TMEM232: variants seen among roughly 807,000 people sequenced by gnomAD.
The protein encoded by TMEM232 is transmembrane protein 232.
TMEM232 carries 80 observed loss-of-function variants against 78.8 expected under a neutral mutation model. The observed-to-expected ratio is 1.01, with a 90% CI of 0.85 to 1.22. The LOEUF is 1.22. Ranked by LOEUF, TMEM232 falls within the 50% of genes most tolerant of loss-of-function variation. TMEM232 has a pLI of 0.00. For missense variants in TMEM232, 881 were observed against 742.2 expected, an observed-to-expected ratio of 1.19 and a Z score of -2.17; for synonymous variants, 297 against 254.3, an observed-to-expected ratio of 1.17 and a Z score of -1.60.
chr5:110,434,074 T>C lies in TMEM232; in HGVS notation c.1704-9158A>G, dbSNP rs567223361. Among the ~76,000 whole-genome samples the C allele has an allele frequency of 3.5e-5, 5 of 143,774 alleles. No individual in the cohort carries two copies. The South Asian group carries it at 1.1e-3, about 31-fold the overall frequency. The allele number at this position is 143,774 out of a possible 152,430, so 94.3% of individuals were successfully genotyped here. On this transcript the variant is annotated intron_variant, in intron 12 of 13. Coordinates refer to ENST00000455884, the MANE Select transcript of TMEM232 (RefSeq NM_001039763.4). The stretch of plus-strand genomic sequence containing the variant: ...AAACTAAAGTCAGAGCAGAAGAAAA[T>C]AAAATAAATGAAAGCACAAGAAAAG...
In TMEM232 at chr5:110,665,947, T is replaced by C. The variant is rs1188242490; in HGVS notation, c.125+1281A>G. Among the ~76,000 whole-genome samples, 9 of 150,132 alleles carry C rather than the reference T, an allele frequency of 6.0e-5. No individual in the cohort carries two copies. The East Asian group carries it at 1.8e-3, about 30-fold the overall frequency. On this transcript the variant is annotated intron_variant, in intron 2 of 13. Transcript: ENST00000455884. ...AGCCAGGCATACTGGCATGTGCCCG[T>C]GGTGCCAGCTGCTCAGGAGGCTGAG...
chr5:110,736,433 C>CTATCA (rs1799172865), intron 1 of TMEM232, among the ~76,000 whole-genome samples: 1 of 152,052 alleles, frequency 6.6e-6, no homozygotes, highest in Non-Finnish European at 1.5e-5. Context: ...TATGCAAGCC[C>CTATCA]GTGCTCAGAC....
At chr5:110,647,302 T>C (rs992150426) in intron 2 of TMEM232, among the ~76,000 whole-genome samples, 32 of 151,916 alleles carry the variant, frequency 2.1e-4, no homozygotes, top group Non-Finnish European at 4.1e-4. Flanking sequence ...ACTTACAGTG[T>C]TCATCAAAGA....
intron 12 of TMEM232, chr5:110,429,789 T>G (rs1027606727): frequency 2.0e-5 from 3 of 151,756 alleles, no homozygotes; most frequent in African/African-American, 7.3e-5. Flanking sequence ...TCTCAGTATA[T>G]TTAGTCTCCT....
intron 12 of TMEM232, among the ~76,000 whole-genome samples, chr5:110,500,013 C>G (rs1766070753): frequency 6.6e-6 from 1 of 151,934 alleles, no homozygotes; most frequent in Admixed American, 6.6e-5. Context: ...AATTATTGGC[C>G]AGGCGCGGTG....
intron 2 of TMEM232, among the ~76,000 whole-genome samples, chr5:110,645,563 T>C (rs1474941856): frequency 6.6e-6 from 1 of 150,964 alleles, no homozygotes; most frequent in African/African-American, 2.4e-5. Flanking sequence ...AGAATTTACG[T>C]CAATTTACTT....
intron 2 of TMEM232, among the ~76,000 whole-genome samples, chr5:110,408,533 A>C (rs1385072811): frequency 2.0e-5 from 3 of 152,088 alleles, no homozygotes; most frequent in Non-Finnish European, 4.4e-5. Context: ...AAGAGGTTGC[A>C]GTGAGCCGAG....
At position 110,424,833 on chromosome 5, in the gene TMEM232, A is replaced by G. The variant is rs191599718; in HGVS notation, c.1787T>C (p.Ile596Thr). 2,372 of 1,548,804 alleles carry G rather than the reference A, an allele frequency of 1.5e-3. 5 individuals are homozygous for G. Among genetic ancestry groups the G allele is most frequent in the Non-Finnish European group, 1.9e-3 (2,233 of 1,145,480 alleles). Residue 596 changes from isoleucine (I) to threonine (T), a missense_variant, in exon 13 of 14, where the codon ATT becomes ACT. Coordinates refer to ENST00000455884, the MANE Select transcript of TMEM232 (RefSeq NM_001039763.4). The part of the protein sequence containing the change: ...TKADKELAKI[I>T]DHHWQEELKI... ...AAAAATCAATCTTACGTGATGGTCA[A>G]TGATTTTTGCCAACTCTTTATCTGC... is the stretch of plus-strand genomic sequence containing the variant.
intron 4 of TMEM232, among the ~76,000 whole-genome samples, chr5:110,388,486 A>G (rs10075269): frequency 0.028 from 4,222 of 152,256 alleles, 210 homozygotes; most frequent in African/African-American, 0.098. Flanking sequence ...AAAGAAAATG[A>G]TTTGGGGGTT....
chr5:110,707,424 G>A (rs1019511310), intron 1 of TMEM232, among the ~76,000 whole-genome samples: 1 of 152,192 alleles, frequency 6.6e-6, no homozygotes, highest in Non-Finnish European at 1.5e-5. Flanking sequence ...AAGCTCTGCT[G>A]GGCACAGCCA....
chr5:110,453,267 G>A (rs1201640636), intron 12 of TMEM232, among the ~76,000 whole-genome samples: 9 of 152,016 alleles, frequency 5.9e-5, no homozygotes, highest in Non-Finnish European at 8.8e-5. Flanking sequence ...CAAGATATCT[G>A]ACTTTAAATT....
chr5:110,556,390 C>CTTCT lies in TMEM232; in HGVS notation c.1455+12053_1455+12056dup, dbSNP rs1204277223. Among the ~76,000 whole-genome samples, 511 of 143,622 alleles carry CTTCT rather than the reference C, an allele frequency of 3.6e-3. 3 individuals are homozygous for CTTCT. Among genetic ancestry groups the CTTCT allele is most frequent in the African/African-American group, 0.012 (464 of 38,654 alleles). 94.2% of individuals were successfully genotyped at this position (143,622 alleles called of 152,430 possible). A position where few individuals can be genotyped will look rare whatever the true frequency, so the allele number is the denominator to read the frequency against. On this transcript the variant is annotated intron_variant, in intron 11 of 13. Coordinates refer to ENST00000455884, the MANE Select transcript of TMEM232 (RefSeq NM_001039763.4). ...CTTCCTTCCTTCCTTTCTTTCTTTC[C>CTTCT]TTCTTTCTTTCTTTCAGGAGGGCAT...
intron 1 of TMEM232, among the ~76,000 whole-genome samples, chr5:110,736,526 T>C (rs1281705735): frequency 2.0e-5 from 3 of 152,192 alleles, no homozygotes; most frequent in Non-Finnish European, 4.4e-5. Flanking sequence ...GTACATGTTT[T>C]AAATTGAACA....
intron 12 of TMEM232, among the ~76,000 whole-genome samples, chr5:110,497,745 AT>A (rs964412539): frequency 4.3e-4 from 66 of 152,164 alleles, no homozygotes; most frequent in African/African-American, 1.6e-3. Context: ...CACTTATGGT[AT>A]TTTTCTATGC....
At chr5:110,670,561 C>T (rs868203192) in intron 1 of TMEM232, among the ~76,000 whole-genome samples, 10 of 152,028 alleles carry the variant, frequency 6.6e-5, no homozygotes, top group Middle Eastern at 3.4e-3. Flanking sequence ...TATTGTCCAA[C>T]GTAATTTATA....
In TMEM232 at chr5:110,600,128, CAATGTACCAG is replaced by C. The variant is rs1465881981; in HGVS notation, c.1276+4971_1276+4980del. Among the ~76,000 whole-genome samples the C allele has an allele frequency of 3.3e-5, 5 of 152,112 alleles. 1 individual carries two copies. Among genetic ancestry groups the C allele is most frequent in the Admixed American group, 6.6e-5 (1 of 15,266 alleles). On this transcript the variant is annotated intron_variant, in intron 10 of 13. Coordinates refer to ENST00000455884, the MANE Select transcript of TMEM232 (RefSeq NM_001039763.4). ...TTTGAAACCAGTGACAACAAAGGAA[CAATGTACCAG>C]AATCTCTGGGACACAGCTAAAGCAG...
upstream of TMEM232, chr5:110,738,309 C>G: frequency 2.5e-6 from 3 of 1,216,982 alleles, no homozygotes; most frequent in Non-Finnish European, 3.2e-6. Flanking sequence ...CAATTTTGAA[C>G]GATATAACTG....
chr5:110,483,017 A>G (rs1371908707), intron 12 of TMEM232, among the ~76,000 whole-genome samples: 2 of 152,244 alleles, frequency 1.3e-5, no homozygotes, highest in Non-Finnish European at 2.9e-5. Flanking sequence ...ATAGTACTAC[A>G]TAAGTATAAA....
intron 1 of TMEM232, among the ~76,000 whole-genome samples, chr5:110,679,524 T>C (rs1307452283): frequency 6.6e-6 from 1 of 152,214 alleles, no homozygotes; most frequent in Non-Finnish European, 1.5e-5. Context: ...AGTTGAAATT[T>C]AATGAAGTCG....
Sources: gnomAD v4.1 joint callset for allele counts (sites outside exome capture counted in the v4.1 genomes callset) on GRCh38, gnomAD v4.1.1 for gene constraint, MANE v1.5 for transcripts, NCBI Gene and HGNC (gene_info 2026-07-23, HGNC 2026-07-21) for gene names.